ARHGAP10: variants seen among roughly 807,000 people sequenced by gnomAD.
ARHGAP10 encodes the protein rho GTPase-activating protein 10.
A neutral mutation model predicts 108.6 loss-of-function variants in ARHGAP10; 87 were observed. That is an observed-to-expected ratio of 0.80 (90% confidence interval 0.67 to 0.96). The LOEUF (loss-of-function observed/expected upper bound fraction) is 0.96. ARHGAP10 is among the 40% of genes least tolerant of loss of function. The pLI, the probability that ARHGAP10 is intolerant of heterozygous loss-of-function variation, is 0.00. For missense variants in ARHGAP10, 939 were observed against 954.5 expected (o/e 0.98, Z 0.21); for synonymous variants, 347 against 341.1 (o/e 1.02, Z -0.19).
intron 10 of ARHGAP10, among the ~76,000 whole-genome samples, chr4:147,892,086 A>G (rs767892264): frequency 2.6e-5 from 4 of 152,118 alleles, no homozygotes; most frequent in Non-Finnish European, 4.4e-5. Flanking sequence ...CGAATATTAT[A>G]TTTGGTTTCA....
At chr4:147,737,254 G>A (rs1728455782) in intron 1 of ARHGAP10, among the ~76,000 whole-genome samples, 1 of 152,034 alleles carries the variant, frequency 6.6e-6, no homozygotes, top group African/African-American at 2.4e-5. Flanking sequence ...GGGTTCAAGT[G>A]ATTCTTGTGC....
chr4:147,853,993 A>G (rs1438241979), intron 4 of ARHGAP10, among the ~76,000 whole-genome samples: 1 of 152,166 alleles, frequency 6.6e-6, no homozygotes, highest in Non-Finnish European at 1.5e-5. Context: ...GTAATGACAA[A>G]TTTATATAGT....
chr4:147,776,132 T>G (rs1356359323), intron 1 of ARHGAP10, among the ~76,000 whole-genome samples: 1 of 152,222 alleles, frequency 6.6e-6, no homozygotes, highest in Non-Finnish European at 1.5e-5. Context: ...CATTAACTTG[T>G]AGCTGGTGTA....
intron 1 of ARHGAP10, among the ~76,000 whole-genome samples, chr4:147,805,122 C>T (rs187020169): frequency 6.6e-6 from 1 of 152,230 alleles, no homozygotes; most frequent in African/African-American, 2.4e-5. Context: ...ACATTGAAGT[C>T]TTTAATTCAT....
intron 20 of ARHGAP10, among the ~76,000 whole-genome samples, chr4:148,058,997 A>G (rs1411010336): frequency 6.6e-6 from 1 of 152,228 alleles, no homozygotes; most frequent in African/African-American, 2.4e-5. Flanking sequence ...GGCGTCAGGA[A>G]CAGTCAGGTA....
chr4:148,034,656 C>T (rs1441224881), intron 19 of ARHGAP10, among the ~76,000 whole-genome samples: 4 of 152,162 alleles, frequency 2.6e-5, no homozygotes, highest in Non-Finnish European at 4.4e-5. Context: ...ATGAACTTTC[C>T]TTCTTCTTAG....
chr4:147,893,567 A>G (rs937481055), intron 10 of ARHGAP10, among the ~76,000 whole-genome samples: 1 of 147,886 alleles, frequency 6.8e-6, no homozygotes, highest in African/African-American at 2.5e-5. Context: ...CATATTTCAT[A>G]TGTATTTCAT....
chr4:148,007,294 C>T (rs1208660247), intron 18 of ARHGAP10, among the ~76,000 whole-genome samples: 1 of 152,164 alleles, frequency 6.6e-6, no homozygotes, highest in Non-Finnish European at 1.5e-5. Flanking sequence ...TACAGGTCCT[C>T]CCTGAAATGA....
In ARHGAP10 at chr4:147,864,963, A is replaced by G; in HGVS notation, c.597+7A>G. ...GTTTGAGTTTGTGGAACCTGTGAGT[A>G]TTGCCAAGTTGTTTGCTGGTGGATT... On this transcript the variant is annotated splice_region_variant and intron_variant, in intron 6 of 22. Transcript: ENST00000336498. 6.2e-7 allele frequency: 1 copy of G among 1,607,406 alleles called. No homozygotes were observed. The highest frequency in any genetic ancestry group is 8.5e-7 in the Non-Finnish European group (1 of 1,174,760).
intron 10 of ARHGAP10, among the ~76,000 whole-genome samples, chr4:147,888,986 A>G (rs772822567): frequency 3.3e-5 from 5 of 152,238 alleles, no homozygotes; most frequent in Non-Finnish European, 7.3e-5. Context: ...TATGAATTCC[A>G]TGAGGGTAGG....
chr4:147,928,065 C>T (rs910765702), intron 13 of ARHGAP10, among the ~76,000 whole-genome samples: 3 of 152,118 alleles, frequency 2.0e-5, no homozygotes, highest in Admixed American at 2.0e-4. Context: ...AAACTGAAAA[C>T]GAGGCCAGCC....
intron 1 of ARHGAP10, among the ~76,000 whole-genome samples, chr4:147,776,726 A>G (rs1418729722): frequency 3.3e-5 from 5 of 152,094 alleles, no homozygotes; most frequent in African/African-American, 1.2e-4. Flanking sequence ...CTGTTGGGTG[A>G]AGGTTTGATA....
intron 5 of ARHGAP10, 94 bp from the exon 6 acceptor site, chr4:147,864,752 A>AT: frequency 9.9e-7 from 1 of 1,010,300 alleles, no homozygotes; most frequent in Non-Finnish European, 1.5e-6. Context: ...AGCACACCGT[A>AT]TTTTGGCCCA....
intron 1 of ARHGAP10, among the ~76,000 whole-genome samples, chr4:147,764,679 C>T (rs572995969): frequency 7.2e-5 from 11 of 152,010 alleles, no homozygotes; most frequent in South Asian, 2.1e-4. Context: ...GGTTTATAGG[C>T]GTGCACCACC....
chr4:148,029,936 A>G (rs916964834), intron 19 of ARHGAP10, among the ~76,000 whole-genome samples: 2 of 152,116 alleles, frequency 1.3e-5, no homozygotes, highest in African/African-American at 4.8e-5. Context: ...CCTAGAAATT[A>G]TGTGGGATGC....
At chr4:147,934,732 G>A (rs1015766524) in intron 13 of ARHGAP10, among the ~76,000 whole-genome samples, 1 of 152,202 alleles carries the variant, frequency 6.6e-6, no homozygotes, top group Non-Finnish European at 1.5e-5. Flanking sequence ...TAGTCGAGGG[G>A]CTGACATGGG....
At chr4:147,939,992 T>G in intron 14 of ARHGAP10, 93 bp downstream of exon 14, 1 of 1,194,746 alleles carries the variant, frequency 8.4e-7, no homozygotes, top group Non-Finnish European at 1.2e-6. Flanking sequence ...AGAGAATACT[T>G]GTCATTCCAT....
chr4:148,042,109 G>A (rs1032548991), intron 19 of ARHGAP10, among the ~76,000 whole-genome samples: 1 of 151,950 alleles, frequency 6.6e-6, no homozygotes, highest in Non-Finnish European at 1.5e-5. Context: ...GCCTACAACC[G>A]GTCTTATTAT....
chr4:147,743,781 AAAAT>A (rs1165096400), intron 1 of ARHGAP10, among the ~76,000 whole-genome samples: 3 of 152,230 alleles, frequency 2.0e-5, no homozygotes, highest in African/African-American at 7.2e-5. Context: ...CCTTCTCAAA[AAAAT>A]AAATAAATAC....
Sources: gnomAD v4.1 joint callset for allele counts (sites outside exome capture counted in the v4.1 genomes callset) on GRCh38, gnomAD v4.1.1 for gene constraint, MANE v1.5 for transcripts, NCBI Gene and HGNC (gene_info 2026-07-23, HGNC 2026-07-21) for gene names.